WNT9A: variants seen among roughly 807,000 people sequenced by gnomAD.
WNT9A encodes Wnt family member 9A, also known as protein Wnt-9a.
Under a neutral mutation model 31.4 loss-of-function variants are expected in WNT9A, and 8 were observed. That is an observed-to-expected ratio of 0.26 (90% CI 0.15 to 0.46). The LOEUF is 0.46. WNT9A is among the 20% of genes least tolerant of loss of function. The pLI is 0.99. For missense variants in WNT9A, 457 were observed against 522.9 expected, an observed-to-expected ratio of 0.87 and a Z score of 1.23; for synonymous variants, 236 against 220.1, an observed-to-expected ratio of 1.07 and a Z score of -0.64.
Position 227,931,289 on chromosome 1 carries a change from G to C in WNT9A, c.96-5770C>G, listed in dbSNP as rs149672874. Among the ~76,000 whole-genome samples the C allele has an allele frequency of 3.3e-3, 495 of 152,256 alleles. 10 individuals are homozygous for C. The highest frequency in any genetic ancestry group is 0.024 in the East Asian group (123 of 5,168). Reference sequence around the variant, plus strand: ...ATGGGGCTAGATGTCTTCCGATAGTGTCTTCCTAGGATTTTCACGTCTGTG... The same window carrying C: ...ATGGGGCTAGATGTCTTCCGATAGTCTCTTCCTAGGATTTTCACGTCTGTG... On this transcript the variant is annotated intron_variant, in intron 1 of 3. Coordinates refer to ENST00000272164, the MANE Select transcript of WNT9A (RefSeq NM_003395.4).
intron 3 of WNT9A, among the ~76,000 whole-genome samples, chr1:227,923,919 T>C (rs993564997): frequency 1.3e-5 from 2 of 152,114 alleles, no homozygotes; most frequent in Non-Finnish European, 2.9e-5. Context: ...TACCTCTCCA[T>C]GGCTAGTGCC....
intron 1 of WNT9A, among the ~76,000 whole-genome samples, chr1:227,936,856 A>C (rs1039838438): frequency 6.6e-6 from 1 of 152,156 alleles, no homozygotes; most frequent in African/African-American, 2.4e-5. Context: ...CTGGGAAGAC[A>C]CTGGGCTTCT....
At chr1:227,946,749 G>A (rs113012871) in intron 1 of WNT9A, among the ~76,000 whole-genome samples, 1 of 152,244 alleles carries the variant, frequency 6.6e-6, no homozygotes, top group Non-Finnish European at 1.5e-5. Flanking sequence ...CCCTGCCCGG[G>A]CGGGTGCCAG....
chr1:227,933,190 CT>C (rs1666540405), intron 1 of WNT9A, among the ~76,000 whole-genome samples: 1 of 152,228 alleles, frequency 6.6e-6, no homozygotes, highest in South Asian at 2.1e-4. Context: ...TGCTGGAGAG[CT>C]TGCTGCAGTG....
intron 3 of WNT9A, among the ~76,000 whole-genome samples, chr1:227,922,225 C>T (rs946350074): frequency 6.6e-6 from 1 of 152,226 alleles, no homozygotes. Flanking sequence ...GGCTCCAGGG[C>T]CGGCACCTCA....
In WNT9A at chr1:227,928,077, AC is replaced by A. The variant is rs1329724765; in HGVS notation, c.96-2559del. 6.6e-5 allele frequency among the ~76,000 whole-genome samples: 10 copies of A among 151,826 alleles called. No homozygotes were observed. The highest frequency in any genetic ancestry group is 1.5e-4 in the Non-Finnish European group (10 of 67,940). On this transcript the variant is annotated intron_variant, in intron 1 of 3. Coordinates refer to ENST00000272164, the MANE Select transcript of WNT9A (RefSeq NM_003395.4). The surrounding 1 kb of genome is among the most constrained non-coding windows in gnomAD (Gnocchi z 4.5). ...CAGCCTGCCCTGCCCTCTCCCTGTG[AC>A]CCACCGCCTTGCCCACACTGGTCAG...
chr1:227,924,387 A>G lies in WNT9A; in HGVS notation c.366T>C (p.Thr122=), dbSNP rs753987623. 6.2e-7 allele frequency: 1 copy of G among 1,610,826 alleles called. No individual in the cohort carries two copies. Among genetic ancestry groups the G allele is most frequent in the South Asian group, 1.1e-5 (1 of 91,006 alleles). The part of the protein sequence containing the change: ...ASLLKRGFKE[T]AFLYAISSAG... Reference sequence around the variant, plus strand: ...CCGAGGAGATGGCATAGAGGAAGGCAGTCTCCTTGAAGCCTGGGGTTGGCA... The same window carrying G: ...CCGAGGAGATGGCATAGAGGAAGGCGGTCTCCTTGAAGCCTGGGGTTGGCA... The change falls in exon 3 of 4, where the codon ACT becomes ACC. Residue 122 remains threonine (T), a synonymous_variant. Transcript: ENST00000272164.
intron 1 of WNT9A, among the ~76,000 whole-genome samples, chr1:227,945,483 G>A (rs1167598847): frequency 6.6e-6 from 1 of 152,204 alleles, no homozygotes; most frequent in African/African-American, 2.4e-5. Context: ...GAGCAGGCAG[G>A]GAGGGCTCCC....
chr1:227,922,574 G>A (rs1031688008), intron 3 of WNT9A, among the ~76,000 whole-genome samples: 1 of 152,216 alleles, frequency 6.6e-6, no homozygotes, highest in African/African-American at 2.4e-5. Flanking sequence ...GGAGCAGGGA[G>A]GCCCACGCTG....
intron 1 of WNT9A, among the ~76,000 whole-genome samples, chr1:227,947,071 G>A (rs1363612172): frequency 6.6e-6 from 1 of 152,230 alleles, no homozygotes; most frequent in Non-Finnish European, 1.5e-5. Flanking sequence ...ACCTCAGAGA[G>A]GGGGAGGGAA....
intron 1 of WNT9A, among the ~76,000 whole-genome samples, chr1:227,945,319 C>T (rs1558266014): frequency 6.6e-6 from 1 of 152,142 alleles, no homozygotes; most frequent in Non-Finnish European, 1.5e-5. Flanking sequence ...ATGGACATAG[C>T]CATGGGAGAA....
At position 227,921,508 on chromosome 1, in the gene WNT9A, GC is replaced by G. The variant is rs1558257566; in HGVS notation, c.*9del. 4 of 1,600,764 alleles carry G rather than the reference GC, an allele frequency of 2.5e-6. No homozygotes were observed. The highest frequency in any genetic ancestry group is 3.4e-6 in the Non-Finnish European group (4 of 1,171,684). On this transcript the variant is annotated 3_prime_UTR_variant, in exon 4 of 4. Transcript: ENST00000272164. ...CACCCTGTGCAGCAGGGCTGGCAGG[GC>G]CTGGGAACTCAGCCCTTGCAGGTGT...
At chr1:227,924,490 T>G in intron 2 of WNT9A, 90 bp from the exon 3 acceptor site, 1 of 1,475,590 alleles carries the variant, frequency 6.8e-7, no homozygotes, top group Non-Finnish European at 9.1e-7. Flanking sequence ...AGAGTATGAA[T>G]CCCATGTTGG....
intron 1 of WNT9A, among the ~76,000 whole-genome samples, chr1:227,939,985 T>A (rs1331340687): frequency 6.6e-6 from 1 of 152,136 alleles, no homozygotes; most frequent in Non-Finnish European, 1.5e-5. Flanking sequence ...GTGGGGCACA[T>A]GCCGCAAGGA....
In WNT9A at chr1:227,921,602, G is replaced by A. The variant is rs1365163263; in HGVS notation, c.1014C>T (p.Pro338=). 3 of 1,613,420 alleles carry A rather than the reference G, an allele frequency of 1.9e-6. No homozygotes were observed. The South Asian group carries it at 3.3e-5, about 18-fold the overall frequency. Residue 338 remains proline (P), a synonymous_variant, in exon 4 of 4, where the codon CCC becomes CCT. Coordinates refer to ENST00000272164, the MANE Select transcript of WNT9A (RefSeq NM_003395.4). ...HNTQSRVVTR[P]CQCQVRWCCY... ...AGCACCAACGCACCTGGCACTGGCAGGGCCTTGTCACCACCCGGCTCTGTG... is the reference window on the plus strand; with the variant it reads ...AGCACCAACGCACCTGGCACTGGCAAGGCCTTGTCACCACCCGGCTCTGTG...
Position 227,925,576 on chromosome 1 carries a change from C to T in WNT9A, c.96-57G>A. 6.9e-7 allele frequency: 1 copy of T among 1,449,538 alleles called. No individual in the cohort carries two copies. Among genetic ancestry groups the T allele is most frequent in the South Asian group, 1.4e-5 (1 of 70,254 alleles). 89.8% of individuals were successfully genotyped at this position (1,449,538 alleles called of 1,614,324 possible). A position where few individuals can be genotyped will look rare whatever the true frequency, so the allele number is the denominator to read the frequency against. On this transcript the variant is annotated intron_variant, in intron 1 of 3. Transcript: ENST00000272164. This position sits in a 1 kb window ranked among gnomAD's most constrained non-coding sequence, Gnocchi z 6.0. ...CCCAGGAAGCCCTGCTGGAGCCTGG[C>T]CAGGTGTCTCGGTGGCCAGGGTACA...
rs534688761 is a variant in WNT9A, at chr1:227,945,689, C to G, written c.95+2104G>C. Among the ~76,000 whole-genome samples, 62 of 152,170 alleles carry G rather than the reference C, an allele frequency of 4.1e-4. 1 individual carries two copies. In the Middle Eastern group the frequency reaches 0.01, roughly 25 times the overall value. ...GCTGGGAAGGGCCACCCCAGCCCCC[C>G]TCCAGCTCCAGCCCCGCCTGGCCTT... On this transcript the variant is annotated intron_variant, in intron 1 of 3. Transcript: ENST00000272164.
At position 227,920,204 on chromosome 1, in the gene WNT9A, G is replaced by C. The variant is rs1243053828; in HGVS notation, c.*1314C>G. 6.6e-6 allele frequency: 1 copy of C among 152,356 alleles called. No homozygotes were observed. The allele number at this position is 152,356 out of a possible 1,614,324, so 9.4% of individuals were successfully genotyped here. ...GCCCACCACGTGGCAGTGGCTGGCT[G>C]GCATGGGGCTGGGGGAGCTGGCTTC... On this transcript the variant is annotated 3_prime_UTR_variant, in exon 4 of 4. Transcript: ENST00000272164.
rs184729053 is a variant in WNT9A, at chr1:227,923,482, A to G, written c.615+656T>C. ...GCTGCAGGTAGCATGAAGGATGACCAGAGAGCCAGGGTCACCCCGGGTCAG... is the reference window on the plus strand; with the variant it reads ...GCTGCAGGTAGCATGAAGGATGACCGGAGAGCCAGGGTCACCCCGGGTCAG... On this transcript the variant is annotated intron_variant, in intron 3 of 3. Transcript: ENST00000272164. Among the ~76,000 whole-genome samples, 432 of 152,314 alleles carry G rather than the reference A, an allele frequency of 2.8e-3. 6 individuals are homozygous for G. The highest frequency in any genetic ancestry group is 0.01 in the African/African-American group (424 of 41,564).
Sources: allele counts gnomAD v4.1 joint callset (sites outside exome capture counted in the v4.1 genomes callset), GRCh38; gene constraint gnomAD v4.1.1; non-coding constraint Gnocchi (gnomAD v3.1); transcripts MANE v1.5; gene names NCBI Gene and HGNC (gene_info 2026-07-23, HGNC 2026-07-21).